The following DAB1 variants were observed in gnomAD, a reference collection of about 807,000 sequenced individuals.
DAB1 encodes disabled homolog 1.
DAB1 carries 15 observed loss-of-function variants against 64.6 expected under a neutral mutation model. The ratio of observed to expected loss-of-function variants is 0.23; its 90% CI spans 0.16 to 0.36. The LOEUF is 0.36. Among genes scored for constraint, DAB1 ranks in the 10% least tolerant of loss-of-function variants. The pLI is 1.00. For missense variants in DAB1, 596 were observed against 706.7 expected (o/e 0.84, Z 1.78); for synonymous variants, 235 against 251.9 (o/e 0.93, Z 0.64).
At chr1:57,310,313 G>C (rs1303162558) in intron 1 of DAB1, among the ~76,000 whole-genome samples, 1 of 152,154 alleles carries the variant, frequency 6.6e-6, no homozygotes, top group East Asian at 1.9e-4. Context: ...CAGAGATCTG[G>C]GGGAAGAACA....
chr1:57,865,099 C>T (rs1654238409), intron 1 of DAB1: 1 of 152,076 alleles, frequency 6.6e-6, no homozygotes, highest in Non-Finnish European at 1.5e-5. Context: ...CATCTTGTGG[C>T]TTGGTCATCA....
At chr1:57,486,495 C>T (rs1050034042) in intron 7 of DAB1, among the ~76,000 whole-genome samples, 9 of 152,214 alleles carry the variant, frequency 5.9e-5, no homozygotes, top group Non-Finnish European at 1.2e-4. Context: ...TCTTAATTGT[C>T]TGTCTGTGTG....
intron 1 of DAB1, among the ~76,000 whole-genome samples, chr1:57,857,019 G>C (rs1653785734): frequency 6.6e-6 from 1 of 152,172 alleles, no homozygotes; most frequent in African/African-American, 2.4e-5. Flanking sequence ...TCCCCACTCA[G>C]CTGAAACCCA....
intron 3 of DAB1, chr1:58,473,856 T>C (rs1487810822): frequency 8.4e-5 from 54 of 639,926 alleles, no homozygotes; most frequent in Non-Finnish European, 8.7e-5. Flanking sequence ...CTTCCTAGCC[T>C]GCGTTTCCTT....
intron 4 of DAB1, among the ~76,000 whole-genome samples, chr1:58,332,838 T>A (rs1663004608): frequency 6.6e-6 from 1 of 152,200 alleles, no homozygotes. Context: ...TCTCTCATAC[T>A]TTCATTCTCA....
chr1:57,981,312 G>A (rs939485322), intron 5 of DAB1, among the ~76,000 whole-genome samples: 3 of 151,946 alleles, frequency 2.0e-5, no homozygotes, highest in Non-Finnish European at 4.4e-5. Context: ...AGAAGGAGGA[G>A]GAGGAAGAGG....
chr1:58,167,391 C>G (rs1435670490), intron 4 of DAB1, among the ~76,000 whole-genome samples: 1 of 152,010 alleles, frequency 6.6e-6, no homozygotes, highest in Non-Finnish European at 1.5e-5. Context: ...TGTTCTGTGT[C>G]TAGCTAAAGG....
intron 5 of DAB1, among the ~76,000 whole-genome samples, chr1:57,914,922 A>G (rs113483796): frequency 2.6e-5 from 4 of 152,338 alleles, no homozygotes; most frequent in African/African-American, 9.6e-5. Context: ...TTAGCACCCT[A>G]ACTCTTAGGA....
intron 8 of DAB1, among the ~76,000 whole-genome samples, chr1:57,066,409 G>A (rs1650916166): frequency 1.3e-5 from 2 of 152,122 alleles, no homozygotes; most frequent in South Asian, 4.2e-4. Flanking sequence ...GTATTGGGAG[G>A]CTGATAACTT....
intron 7 of DAB1, among the ~76,000 whole-genome samples, chr1:57,462,582 C>G (rs571374094): frequency 4.6e-5 from 7 of 152,282 alleles, no homozygotes; most frequent in African/African-American, 1.4e-4. Context: ...CTGCCAGGTG[C>G]TTTGCATGTA....
rs1373154392 is a variant in DAB1 at position 57,008,059 on chromosome 1, C to T, written c.*15+2621G>A. Among the ~76,000 whole-genome samples the T allele has an allele frequency of 7.9e-5, 12 of 152,292 alleles. No individual in the cohort carries two copies. In the East Asian group the frequency reaches 2.3e-3, roughly 29 times the overall value. ...TCTTGATAACTGTGAAGTGGCCAGG[C>T]TAAGCTTTCAAAGGGAGAAAATTAC... On this transcript the variant is annotated intron_variant, in intron 14 of 14. Coordinates refer to ENST00000371236, the MANE Select transcript of DAB1 (RefSeq NM_001365792.1).
chr1:57,529,894 C>G (rs1000046333), intron 7 of DAB1, among the ~76,000 whole-genome samples: 5 of 152,094 alleles, frequency 3.3e-5, no homozygotes, highest in African/African-American at 1.2e-4. Context: ...ACCCATGTCT[C>G]TTTCTGGGAA....
intron 5 of DAB1, among the ~76,000 whole-genome samples, chr1:57,905,248 T>A (rs1326608683): frequency 2.0e-5 from 3 of 151,810 alleles, no homozygotes; most frequent in African/African-American, 7.3e-5. Context: ...TGCTACAGAA[T>A]AAAGCGTGAA....
At chr1:57,316,164 G>T (rs962601135) in intron 1 of DAB1, among the ~76,000 whole-genome samples, 3 of 152,138 alleles carry the variant, frequency 2.0e-5, no homozygotes, top group African/African-American at 7.2e-5. Context: ...TATCGCAAAA[G>T]AAATATGACT....
chr1:57,130,589 A>C (rs1570747636), intron 4 of DAB1, among the ~76,000 whole-genome samples: 1 of 152,166 alleles, frequency 6.6e-6, no homozygotes, highest in Middle Eastern at 3.2e-3. Flanking sequence ...ATAAAAAAGA[A>C]AATCCTGTCA....
Position 57,949,765 on chromosome 1 carries a change from T to C in DAB1, n.388-65603A>G, listed in dbSNP as rs529371334. 3.3e-5 allele frequency among the ~76,000 whole-genome samples: 5 copies of C among 152,296 alleles called. No homozygotes were observed. In the South Asian group the frequency reaches 1.0e-3, roughly 32 times the overall value. On this transcript the variant is annotated intron_variant and non_coding_transcript_variant, in intron 5 of 20. Transcript: ENST00000485760. ...ATTTTCAACAGTCTAATAATTTTCA[T>C]CTCTCTTTATAAAAACTTTAATAGG...
intron 7 of DAB1, among the ~76,000 whole-genome samples, chr1:57,453,312 A>G (rs912935186): frequency 4.6e-5 from 7 of 152,186 alleles, no homozygotes; most frequent in African/African-American, 1.7e-4. Context: ...CAATTTCTGT[A>G]TTCATGTATG....
chr1:58,097,455 A>G (rs920188654), intron 5 of DAB1, among the ~76,000 whole-genome samples: 1 of 152,228 alleles, frequency 6.6e-6, no homozygotes, highest in African/African-American at 2.4e-5. Context: ...GAGAAGCTCC[A>G]GGAAGGTTGA....
rs375382470 is a variant in DAB1, at chr1:57,765,718, G to C, written n.552-116053C>G. Among the ~76,000 whole-genome samples the C allele has an allele frequency of 2.6e-5, 4 of 152,066 alleles. No individual in the cohort carries two copies. In the East Asian group the frequency reaches 7.7e-4, roughly 29 times the overall value. Reference sequence around the variant, plus strand: ...CAGCTACCCACTCCTCCTCCATACAGCACACTCTTCACTTGACTTCCATGA... The same window carrying C: ...CAGCTACCCACTCCTCCTCCATACACCACACTCTTCACTTGACTTCCATGA... On this transcript the variant is annotated intron_variant and non_coding_transcript_variant, in intron 6 of 20. Transcript: ENST00000485760.
Sources: gnomAD v4.1 joint callset for allele counts (sites outside exome capture counted in the v4.1 genomes callset) on GRCh38, gnomAD v4.1.1 for gene constraint, MANE v1.5 for transcripts, NCBI Gene and HGNC (gene_info 2026-07-23, HGNC 2026-07-21) for gene names.